VWC2: variants seen among roughly 807,000 people sequenced by gnomAD.
The protein encoded by VWC2 is von Willebrand factor C domain containing 2.
A neutral mutation model predicts 29.8 loss-of-function variants in VWC2; 14 were observed. The observed-to-expected ratio is 0.47, with a 90% confidence interval of 0.31 to 0.74. The LOEUF (loss-of-function observed/expected upper bound fraction) is 0.74. Ranked by LOEUF, VWC2 falls within the 30% of genes least tolerant of loss-of-function variation. The pLI, the probability that VWC2 is intolerant of heterozygous loss-of-function variation, is 0.05. For synonymous variants in VWC2, 213 were observed against 199.0 expected (o/e 1.07, Z -0.59); for missense variants, 457 against 459.8 (o/e 0.99, Z 0.05).
At chr7:49,876,644 T>C (rs891692580) in intron 3 of VWC2, among the ~76,000 whole-genome samples, 4 of 152,124 alleles carry the variant, frequency 2.6e-5, no homozygotes, top group Non-Finnish European at 4.4e-5. Flanking sequence ...AAGAATTGCC[T>C]TGTTGTTTTT....
At chr7:49,794,255 C>T (rs1390848481) in intron 2 of VWC2, among the ~76,000 whole-genome samples, 1 of 152,202 alleles carries the variant, frequency 6.6e-6, no homozygotes, top group Admixed American at 6.5e-5. Flanking sequence ...TCTTTTCATG[C>T]AGCTCGAATG....
intron 3 of VWC2, among the ~76,000 whole-genome samples, chr7:49,841,542 T>C (rs528874650): frequency 6.6e-6 from 1 of 152,342 alleles, no homozygotes; most frequent in Non-Finnish European, 1.5e-5. Flanking sequence ...TTAACTGTTA[T>C]AGTGCATATA....
intron 3 of VWC2, among the ~76,000 whole-genome samples, chr7:49,905,906 C>T (rs1793060908): frequency 6.6e-6 from 1 of 152,210 alleles, no homozygotes; most frequent in Non-Finnish European, 1.5e-5. Context: ...TGCTACACTC[C>T]CACCAGCACC....
rs76037847 is a variant in VWC2 at position 49,796,881 on chromosome 7, T to C, written c.697-5830T>C. Among the ~76,000 whole-genome samples the C allele has an allele frequency of 5.2e-3, 791 of 152,330 alleles. 6 individuals carry two copies. Among genetic ancestry groups the C allele is most frequent in the African/African-American group, 0.018 (737 of 41,576 alleles). On this transcript the variant is annotated intron_variant, in intron 2 of 3. Coordinates refer to ENST00000340652, the MANE Select transcript of VWC2 (RefSeq NM_198570.5). ...CATATAGGAGTGTGAATCCCAACTC[T>C]CTACCACTTACCATCATATAGAGCT...
At chr7:49,795,998 G>A (rs921607301) in intron 2 of VWC2, among the ~76,000 whole-genome samples, 4 of 152,136 alleles carry the variant, frequency 2.6e-5, no homozygotes, top group Non-Finnish European at 5.9e-5. Flanking sequence ...GAGGCAGATA[G>A]GGGGTAGGGG....
At chr7:49,875,448 A>G (rs1373433451) in intron 3 of VWC2, among the ~76,000 whole-genome samples, 3 of 151,310 alleles carry the variant, frequency 2.0e-5, no homozygotes, top group Admixed American at 6.6e-5. Flanking sequence ...GAAAAAAAAA[A>G]GTATTTGAAG....
chr7:49,876,007 T>A (rs1281238568), intron 3 of VWC2, among the ~76,000 whole-genome samples: 1 of 152,188 alleles, frequency 6.6e-6, no homozygotes, highest in African/African-American at 2.4e-5. Flanking sequence ...ACTGTGAATA[T>A]GGACCCAGGC....
At chr7:49,857,391 A>AT (rs1790470055) in intron 3 of VWC2, among the ~76,000 whole-genome samples, 1 of 152,194 alleles carries the variant, frequency 6.6e-6, no homozygotes, top group Non-Finnish European at 1.5e-5. Context: ...TGAATATTCC[A>AT]ATGTAGGCAT....
At chr7:49,791,581 G>A (rs557754484) in intron 2 of VWC2, among the ~76,000 whole-genome samples, 2 of 152,240 alleles carry the variant, frequency 1.3e-5, no homozygotes, top group East Asian at 1.9e-4. Flanking sequence ...TCAGGAATCT[G>A]ATCACTTCTG....
chr7:49,814,607 T>C (rs1367015310), intron 3 of VWC2, among the ~76,000 whole-genome samples: 4 of 152,182 alleles, frequency 2.6e-5, no homozygotes, highest in Non-Finnish European at 4.4e-5. Context: ...TGAAGTACTT[T>C]TCAGAATTAA....
At position 49,914,540 on chromosome 7, in the gene VWC2, A is replaced by G. The variant is rs1793618947; in HGVS notation, c.*2355A>G. ...CCCTCATTCCTCTCTCCTCATAGAA[A>G]TAATGCATAAACCAAACACATGGAA... On this transcript the variant is annotated 3_prime_UTR_variant, in exon 4 of 4. Transcript: ENST00000340652. 1 of 152,246 alleles carries G rather than the reference A, an allele frequency of 6.6e-6. No homozygotes were observed. The highest frequency in any genetic ancestry group is 1.5e-5 in the Non-Finnish European group (1 of 68,068). 9.4% of individuals were successfully genotyped at this position (152,246 alleles called of 1,614,324 possible). A position where few individuals can be genotyped will look rare whatever the true frequency, so the allele number is the denominator to read the frequency against.
intron 3 of VWC2, among the ~76,000 whole-genome samples, chr7:49,869,874 T>C (rs892121444): frequency 3.9e-5 from 6 of 152,012 alleles, no homozygotes; most frequent in African/African-American, 1.4e-4. Flanking sequence ...CAGAAAAGAA[T>C]GGATTAACAA....
chr7:49,793,782 G>A (rs1039729077), intron 2 of VWC2, among the ~76,000 whole-genome samples: 1 of 152,110 alleles, frequency 6.6e-6, no homozygotes, highest in African/African-American at 2.4e-5. Flanking sequence ...CATATAAATG[G>A]CATGCATTTT....
At chr7:49,837,814 A>T (rs1789698302) in intron 3 of VWC2, among the ~76,000 whole-genome samples, 1 of 152,216 alleles carries the variant, frequency 6.6e-6, no homozygotes, top group Non-Finnish European at 1.5e-5. Context: ...GATGCTGATA[A>T]TAAAAATAAA....
In VWC2 at chr7:49,914,131, G is replaced by A. The variant is rs1379749588; in HGVS notation, c.*1946G>A. 2 of 152,148 alleles carry A rather than the reference G, an allele frequency of 1.3e-5. No individual in the cohort carries two copies. Among genetic ancestry groups the A allele is most frequent in the African/African-American group, 2.4e-5 (1 of 41,424 alleles). The allele number at this position is 152,148 out of a possible 1,614,324, so 9.4% of individuals were successfully genotyped here. A position where few individuals can be genotyped will look rare whatever the true frequency, so the allele number is the denominator to read the frequency against. On this transcript the variant is annotated 3_prime_UTR_variant, in exon 4 of 4. Transcript: ENST00000340652. Reference sequence around the variant, plus strand: ...TGAGACACAGTTATTTAAAGTTGTCGTTTTGCTAATAAATGGCCCTAGCCC... The same window carrying A: ...TGAGACACAGTTATTTAAAGTTGTCATTTTGCTAATAAATGGCCCTAGCCC...
chr7:49,885,011 T>G (rs1228750570), intron 3 of VWC2, among the ~76,000 whole-genome samples: 1 of 152,078 alleles, frequency 6.6e-6, no homozygotes, highest in Non-Finnish European at 1.5e-5. Context: ...GATATAAGTG[T>G]TGTATGGCTA....
At chr7:49,786,006 C>A (rs1788286090) in intron 2 of VWC2, among the ~76,000 whole-genome samples, 1 of 152,136 alleles carries the variant, frequency 6.6e-6, no homozygotes. Context: ...TGCCTTCCCC[C>A]AGAAGACTTT....
At position 49,918,594 on chromosome 7, in the gene VWC2, T is replaced by C. The variant is rs1168689564; in HGVS notation, c.*6409T>C. On this transcript the variant is annotated 3_prime_UTR_variant, in exon 4 of 4. Transcript: ENST00000340652. ...GATTCTCATATTGAAATTTACAAAA[T>C]ATAACCAAATATTGTGACCCAGTTT... 6.6e-6 allele frequency: 1 copy of C among 152,214 alleles called. No individual in the cohort carries two copies. Among genetic ancestry groups the C allele is most frequent in the Non-Finnish European group, 1.5e-5 (1 of 68,032 alleles). 9.4% of individuals were successfully genotyped at this position (152,214 alleles called of 1,614,324 possible). A position where few individuals can be genotyped will look rare whatever the true frequency, so the allele number is the denominator to read the frequency against.
intron 3 of VWC2, among the ~76,000 whole-genome samples, chr7:49,862,841 C>A (rs750635201): frequency 1.7e-4 from 26 of 151,974 alleles, no homozygotes; most frequent in Non-Finnish European, 3.2e-4. Flanking sequence ...GATGTATAAT[C>A]CTTTTAATAT....
Sources: gnomAD v4.1 joint callset for allele counts (sites outside exome capture counted in the v4.1 genomes callset) on GRCh38, gnomAD v4.1.1 for gene constraint, MANE v1.5 for transcripts, NCBI Gene and HGNC (gene_info 2026-07-23, HGNC 2026-07-21) for gene names.